Variants in THRB observed in about 807,000 individuals in gnomAD.
THRB encodes the protein nuclear receptor subfamily 1 group A member 2.
THRB carries 12 observed loss-of-function variants against 47.8 expected under a neutral mutation model. The observed-to-expected ratio is 0.25, with a 90% confidence interval of 0.16 to 0.41. THRB has a LOEUF of 0.41. Among genes scored for constraint, THRB ranks in the 10% least tolerant of loss-of-function variants. The pLI is 1.00. For missense variants in THRB, 348 were observed against 589.2 expected, an observed-to-expected ratio of 0.59 and a Z score of 4.24; for synonymous variants, 218 against 212.2, an observed-to-expected ratio of 1.03 and a Z score of -0.24.
intron 5 of THRB, among the ~76,000 whole-genome samples, chr3:24,157,429 C>G (rs147149368): frequency 5.1e-4 from 77 of 152,114 alleles, no homozygotes; most frequent in African/African-American, 1.7e-3. Flanking sequence ...GGATTCTCAT[C>G]GGAGGCTTTA....
At chr3:24,307,642 GT>G (rs199929788) in intron 2 of THRB, among the ~76,000 whole-genome samples, 3 of 151,846 alleles carry the variant, frequency 2.0e-5, no homozygotes, top group Non-Finnish European at 4.4e-5. Flanking sequence ...ATTCTGGATG[GT>G]TTTTTTTAGG....
At chr3:24,160,387 G>A (rs1167821999) in intron 5 of THRB, among the ~76,000 whole-genome samples, 2 of 152,190 alleles carry the variant, frequency 1.3e-5, no homozygotes, top group African/African-American at 4.8e-5. Flanking sequence ...GCCCCTGAGT[G>A]GCTGGAAGCA....
intron 10 of THRB, among the ~76,000 whole-genome samples, chr3:24,123,926 G>A (rs1575237226): frequency 1.3e-5 from 2 of 152,108 alleles, no homozygotes; most frequent in East Asian, 3.9e-4. Flanking sequence ...TTCCAAAAGT[G>A]GCAAACAAAG....
chr3:24,220,015 G>A (rs1019448180), intron 4 of THRB, among the ~76,000 whole-genome samples: 1 of 152,214 alleles, frequency 6.6e-6, no homozygotes. Flanking sequence ...CCCAGACACT[G>A]GTATTTTTTA....
intron 1 of THRB, among the ~76,000 whole-genome samples, chr3:24,418,457 T>C (rs1468219637): frequency 6.6e-6 from 1 of 151,874 alleles, no homozygotes; most frequent in Non-Finnish European, 1.5e-5. Context: ...CCCTACTGAA[T>C]TCCAACACCA....
chr3:24,430,902 G>A (rs1021871538), intron 1 of THRB: 11 of 152,102 alleles, frequency 7.2e-5, no homozygotes, highest in African/African-American at 2.7e-4. Context: ...TGCCATAAAG[G>A]AGAAAGTACT....
intron 2 of THRB, among the ~76,000 whole-genome samples, chr3:24,306,454 T>G (rs2057343250): frequency 6.6e-6 from 1 of 152,192 alleles, no homozygotes; most frequent in South Asian, 2.1e-4. Context: ...TAAATATAGA[T>G]TCCCTGAAAG....
chr3:24,299,765 G>GTTTT (rs1559869214), intron 2 of THRB, among the ~76,000 whole-genome samples: 3 of 46,708 alleles, frequency 6.4e-5, no homozygotes, highest in African/African-American at 1.2e-4. Context: ...GGGGAAGTAT[G>GTTTT]CTTTTTTATT....
intron 4 of THRB, among the ~76,000 whole-genome samples, chr3:24,198,323 G>A (rs1236842132): frequency 6.6e-6 from 1 of 152,132 alleles, no homozygotes; most frequent in East Asian, 1.9e-4. Flanking sequence ...AAGCGTTATA[G>A]GTTATAGGAC....
chr3:24,353,243 G>A (rs917959670), intron 1 of THRB, among the ~76,000 whole-genome samples: 1 of 151,852 alleles, frequency 6.6e-6, no homozygotes, highest in African/African-American at 2.4e-5. Flanking sequence ...GTTTAAAACT[G>A]TAGTCCATAA....
At chr3:24,249,110 G>C (rs887667757) in intron 3 of THRB, among the ~76,000 whole-genome samples, 3 of 152,138 alleles carry the variant, frequency 2.0e-5, no homozygotes, top group Non-Finnish European at 2.9e-5. Context: ...TGCTAAGTGT[G>C]AGAAATTATT....
chr3:24,146,718 T>G lies in THRB; in HGVS notation c.489A>C (p.Glu163Asp), dbSNP rs1175172195. The change falls in exon 7 of 11, where the codon GAA (glutamate) becomes GAC (aspartate). Residue 163 changes from glutamate to aspartate, a missense_variant. This residue lies in a region of THRB where 112 missense variants were observed against 212.3 expected (regional missense o/e 0.53). Coordinates refer to ENST00000646209, the MANE Select transcript of THRB (RefSeq NM_001354712.2). ...IDKVTRNQCQ[E>D]CRFKKCIYVG... is the part of the protein sequence containing the mutation. ...CATAGATGCATTTCTTAAAGCGACA[T>G]TCCTGGCACTGATTTCGCGTGACTT... 9 of 1,614,194 alleles carry G rather than the reference T, an allele frequency of 5.6e-6. No individual in the cohort carries two copies. The highest frequency in any genetic ancestry group is 6.8e-6 in the Non-Finnish European group (8 of 1,179,990).
chr3:24,264,622 A>G (rs1358232988), intron 3 of THRB, among the ~76,000 whole-genome samples: 2 of 151,756 alleles, frequency 1.3e-5, no homozygotes, highest in African/African-American at 4.8e-5. Context: ...GTTGCTACTG[A>G]CAAAACATTC....
At chr3:24,474,492 CA>C (rs1168281599) in intron 1 of THRB, among the ~76,000 whole-genome samples, 1 of 152,174 alleles carries the variant, frequency 6.6e-6, no homozygotes, top group Non-Finnish European at 1.5e-5. Flanking sequence ...TCAGCCCTAA[CA>C]GTCACCAAAA....
chr3:24,435,619 G>A (rs2070865430), intron 1 of THRB, among the ~76,000 whole-genome samples: 1 of 152,160 alleles, frequency 6.6e-6, no homozygotes, highest in Non-Finnish European at 1.5e-5. Context: ...TTTGCTACAT[G>A]AAACCAAAGG....
intron 1 of THRB, among the ~76,000 whole-genome samples, chr3:24,404,960 C>T (rs1487625133): frequency 6.6e-6 from 1 of 151,850 alleles, no homozygotes; most frequent in African/African-American, 2.4e-5. Context: ...CCTTACCAAA[C>T]CTAAGAATGA....
At chr3:24,361,793 C>T (rs1317483225) in intron 1 of THRB, among the ~76,000 whole-genome samples, 9 of 152,198 alleles carry the variant, frequency 5.9e-5, no homozygotes, top group Admixed American at 1.3e-4. Context: ...TGGGGGCTTA[C>T]GTCATGCAGC....
chr3:24,166,560 G>A (rs1300819891), intron 5 of THRB, among the ~76,000 whole-genome samples: 1 of 152,138 alleles, frequency 6.6e-6, no homozygotes, highest in Admixed American at 6.5e-5. Context: ...TGCTTGCTAG[G>A]ATGATTACTA....
chr3:24,399,114 A>G (rs1461848683), intron 1 of THRB, among the ~76,000 whole-genome samples: 1 of 151,948 alleles, frequency 6.6e-6, no homozygotes, highest in African/African-American at 2.4e-5. Flanking sequence ...GCATTAGGAG[A>G]TATACCTCAT....
Sources: gnomAD v4.1 joint callset for allele counts (sites outside exome capture counted in the v4.1 genomes callset) on GRCh38, gnomAD v4.1.1 for gene constraint, gnomAD v4.1.1 regional missense constraint, MANE v1.5 for transcripts, NCBI Gene and HGNC (gene_info 2026-07-23, HGNC 2026-07-21) for gene names.